The following GLG1 variants were observed in gnomAD, a reference collection of about 807,000 sequenced individuals.
GLG1 encodes Golgi apparatus protein 1.
GLG1 carries 38 observed loss-of-function variants against 160.5 expected under a neutral mutation model. The observed-to-expected ratio is 0.24, with a 90% CI of 0.18 to 0.31. The LOEUF is 0.31. GLG1 is among the 10% of genes least tolerant of loss of function. The pLI is 1.00. For synonymous variants in GLG1, 644 were observed against 543.4 expected, an observed-to-expected ratio of 1.19 and a Z score of -2.57; for missense variants, 1,373 against 1,505.2, an observed-to-expected ratio of 0.91 and a Z score of 1.45.
chr16:74,488,023 G>A (rs1043277465), intron 8 of GLG1, among the ~76,000 whole-genome samples: 2 of 152,140 alleles, frequency 1.3e-5, no homozygotes, highest in Non-Finnish European at 2.9e-5. Context: ...GAGAGCCTGG[G>A]CCCACACTTA....
Position 74,452,182 on chromosome 16 carries a change from C to T in GLG1, c.*985G>A, listed in dbSNP as rs1294094222. On this transcript the variant is annotated 3_prime_UTR_variant, in exon 26 of 26. Transcript: ENST00000422840. ...AACCTCTGGCTCCCACTTCCTGACC[C>T]ACTGCTCCCCACACCCATCTTCAAG... 2 of 1,591,452 alleles carry T rather than the reference C, an allele frequency of 1.3e-6. No individual in the cohort carries two copies. The highest frequency in any genetic ancestry group is 1.7e-6 in the Non-Finnish European group (2 of 1,168,598).
chr16:74,578,602 C>A (rs543411631), intron 1 of GLG1, among the ~76,000 whole-genome samples: 1 of 152,228 alleles, frequency 6.6e-6, no homozygotes, highest in South Asian at 2.1e-4. Context: ...AACCTGATAG[C>A]GCTCTGACTT....
chr16:74,584,767 T>G (rs555533525), intron 1 of GLG1, among the ~76,000 whole-genome samples: 3 of 151,488 alleles, frequency 2.0e-5, no homozygotes, highest in Non-Finnish European at 4.4e-5. Context: ...AATACAAAAA[T>G]TAGCTGGGTG....
chr16:74,579,719 C>CA (rs975214193), intron 1 of GLG1, among the ~76,000 whole-genome samples: 1 of 150,452 alleles, frequency 6.6e-6, no homozygotes, highest in African/African-American at 2.5e-5. Context: ...GACTCAGTCT[C>CA]AAAAACAAAA....
intron 11 of GLG1, among the ~76,000 whole-genome samples, chr16:74,477,995 A>AATAAATAAATAG: frequency 6.6e-6 from 1 of 151,136 alleles, no homozygotes; most frequent in African/African-American, 2.4e-5. Flanking sequence ...TAAATAAATA[A>AATAAATAAATAG]ATAAATAAAT....
chr16:74,532,979 C>T (rs1391080587), intron 1 of GLG1, among the ~76,000 whole-genome samples: 2 of 152,070 alleles, frequency 1.3e-5, no homozygotes, highest in African/African-American at 4.8e-5. Context: ...AAATATATTC[C>T]TATGGATACA....
rs11648519 is a variant in GLG1 at position 74,549,939 on chromosome 16, C to T, written c.439-17786G>A. Among the ~76,000 whole-genome samples, 521 of 147,758 alleles carry T rather than the reference C, an allele frequency of 3.5e-3. 1 individual carries two copies. The highest frequency in any genetic ancestry group is 0.012 in the African/African-American group (488 of 40,050). On this transcript the variant is annotated intron_variant, in intron 1 of 25. Transcript: ENST00000422840. The stretch of plus-strand genomic sequence containing the variant: ...GACCAGCCTGGGCAACATAGCAAAA[C>T]CCCAAATGTGCCAAAAAGAAAAAAA...
chr16:74,462,267 A>G, intron 21 of GLG1, 72 bp from the exon 22 acceptor site: 1 of 864,880 alleles, frequency 1.2e-6, no homozygotes, highest in Non-Finnish European at 1.9e-6. Flanking sequence ...AGGACATGAA[A>G]AAAAAAACAA....
chr16:74,498,948 GAA>G (rs566663786), intron 4 of GLG1, among the ~76,000 whole-genome samples: 74 of 142,064 alleles, frequency 5.2e-4, no homozygotes, highest in African/African-American at 1.8e-3. Flanking sequence ...ATCAACCAAA[GAA>G]TGTATTTTTT....
intron 1 of GLG1, among the ~76,000 whole-genome samples, chr16:74,532,532 T>A (rs1452309834): frequency 6.6e-6 from 1 of 152,180 alleles, no homozygotes; most frequent in Non-Finnish European, 1.5e-5. Context: ...ATTTATTTTT[T>A]ATTTTTTTTG....
At chr16:74,494,873 T>C (rs775781460) in intron 5 of GLG1, 42 bp from the exon 6 acceptor site, 5 of 936,192 alleles carry the variant, frequency 5.3e-6, no homozygotes, top group Admixed American at 1.7e-5. Flanking sequence ...TTTAGCTAAA[T>C]AGTTATGCTG....
At chr16:74,476,109 G>A (rs1387835804) in intron 12 of GLG1, among the ~76,000 whole-genome samples, 1 of 152,046 alleles carries the variant, frequency 6.6e-6, no homozygotes, top group African/African-American at 2.4e-5. Flanking sequence ...TTGAACCCGG[G>A]AGGCAGAGGT....
At chr16:74,591,635 AAAG>A (rs933133124) in intron 1 of GLG1, among the ~76,000 whole-genome samples, 7 of 152,138 alleles carry the variant, frequency 4.6e-5, no homozygotes, top group Admixed American at 2.0e-4. Flanking sequence ...CTCGAAAAAA[AAAG>A]AAGACTTACA....
chr16:74,503,984 T>C (rs775457562), intron 3 of GLG1, among the ~76,000 whole-genome samples: 1 of 152,220 alleles, frequency 6.6e-6, no homozygotes, highest in Non-Finnish European at 1.5e-5. Context: ...ACCTGATTAA[T>C]GTGTTTTGCA....
At chr16:74,553,763 G>A (rs1184199607) in intron 1 of GLG1, among the ~76,000 whole-genome samples, 1 of 152,122 alleles carries the variant, frequency 6.6e-6, no homozygotes, top group South Asian at 2.1e-4. Context: ...TTGAGCCACC[G>A]TGCCAGGCCA....
chr16:74,585,172 C>G (rs952867039), intron 1 of GLG1, among the ~76,000 whole-genome samples: 2 of 152,092 alleles, frequency 1.3e-5, no homozygotes, highest in African/African-American at 2.4e-5. Flanking sequence ...CTGTGGAAGG[C>G]CAAGGCAGGC....
intron 1 of GLG1, among the ~76,000 whole-genome samples, chr16:74,575,484 A>G (rs2018976572): frequency 6.6e-6 from 1 of 152,250 alleles, no homozygotes; most frequent in Non-Finnish European, 1.5e-5. Flanking sequence ...TATTATGACC[A>G]GGTAACCAGA....
rs556357835 is a variant in GLG1, at chr16:74,585,709, CAA to C, written c.438+20946_438+20947del. 1.3e-3 allele frequency among the ~76,000 whole-genome samples: 129 copies of C among 100,168 alleles called. 1 individual carries two copies. Among genetic ancestry groups the C allele is most frequent in the East Asian group, 1.8e-3 (6 of 3,372 alleles). 65.7% of individuals were successfully genotyped at this position (100,168 alleles called of 152,430 possible). The stretch of plus-strand genomic sequence containing the variant: ...GGTGACAGAGCCTGAGACTCCGTCT[CAA>C]AAAAAAAAAAAAAAAAGGCCTCTAA... On this transcript the variant is annotated intron_variant, in intron 1 of 25. Coordinates refer to ENST00000422840, the MANE Select transcript of GLG1 (RefSeq NM_001145667.2).
intron 1 of GLG1, among the ~76,000 whole-genome samples, chr16:74,570,459 T>TA (rs947659658): frequency 7.6e-4 from 115 of 151,368 alleles, no homozygotes; most frequent in Middle Eastern, 3.4e-3. Context: ...GACAGTGGAA[T>TA]AAAAAAAAAT....
Sources: gnomAD v4.1 joint callset for allele counts (sites outside exome capture counted in the v4.1 genomes callset) on GRCh38, gnomAD v4.1.1 for gene constraint, MANE v1.5 for transcripts, NCBI Gene and HGNC (gene_info 2026-07-23, HGNC 2026-07-21) for gene names.